The following MRPS28 variants were observed in gnomAD, a reference collection of about 807,000 sequenced individuals.
The protein encoded by MRPS28 is small ribosomal subunit protein bS1m.
MRPS28 carries 7 observed loss-of-function variants against 10.8 expected under a neutral mutation model. The observed-to-expected ratio is 0.65, with a 90% CI of 0.37 to 1.22. MRPS28 has a LOEUF of 1.22. MRPS28 is among the 50% of genes most tolerant of loss of function. MRPS28 has a pLI of 0.02. For synonymous variants in MRPS28, 121 were observed against 93.3 expected (o/e 1.30, Z -1.71); for missense variants, 265 against 232.9 (o/e 1.14, Z -0.90).
intron 1 of MRPS28, among the ~76,000 whole-genome samples, chr8:80,015,839 T>C (rs1034130557): frequency 7.2e-5 from 11 of 152,008 alleles, no homozygotes; most frequent in African/African-American, 2.4e-4. Flanking sequence ...AAGATGGAAA[T>C]TTTAAATAAG....
intron 1 of MRPS28, 137 bp downstream of exon 1, chr8:80,029,899 A>T (rs1809605355): frequency 3.3e-6 from 5 of 1,536,174 alleles, no homozygotes; most frequent in Non-Finnish European, 4.4e-6. Context: ...CTGAGCCACA[A>T]CGCACCGCAA....
intron 2 of MRPS28, among the ~76,000 whole-genome samples, chr8:79,973,170 G>A (rs1807681108): frequency 6.6e-6 from 1 of 152,136 alleles, no homozygotes; most frequent in South Asian, 2.1e-4. Context: ...TATACACAAT[G>A]CAGTCAACTG....
chr8:79,924,434 G>A lies in MRPS28; in HGVS notation c.396-5286C>T, dbSNP rs11986340. ...GTGAAGTCAGCAGCCACGTCCCTGT[G>A]TGTATGTGTGTGAGTAAGTAGGAAT... On this transcript the variant is annotated intron_variant, in intron 2 of 2. Transcript: ENST00000276585. 6.6e-3 allele frequency among the ~76,000 whole-genome samples: 1,007 copies of A among 152,292 alleles called. 10 individuals carry two copies. Among genetic ancestry groups the A allele is most frequent in the African/African-American group, 0.022 (900 of 41,566 alleles).
At chr8:80,013,634 C>CAAAAAA (rs5892700) in intron 1 of MRPS28, among the ~76,000 whole-genome samples, 73 of 75,506 alleles carry the variant, frequency 9.7e-4, no homozygotes, top group Middle Eastern at 8.9e-3. Flanking sequence ...GACTCCATCT[C>CAAAAAA]AAAAAAAAAA....
Position 79,919,822 on chromosome 8 carries a change from AG to A in MRPS28, c.396-675del, listed in dbSNP as rs1278014854. ...AACTTTATTTTTTTATTACACTTTA[AG>A]TTTTAGGGTACATGTGCACAACGTG... On this transcript the variant is annotated intron_variant, in intron 2 of 2. Transcript: ENST00000276585. 3.3e-5 allele frequency among the ~76,000 whole-genome samples: 5 copies of A among 152,274 alleles called. No homozygotes were observed. In the East Asian group the frequency reaches 5.8e-4, roughly 18 times the overall value.
At chr8:79,957,564 A>G (rs1168370360) in intron 2 of MRPS28, among the ~76,000 whole-genome samples, 3 of 151,818 alleles carry the variant, frequency 2.0e-5, no homozygotes, top group African/African-American at 4.8e-5. Flanking sequence ...AAAAAAAAAA[A>G]AAACTTAGTG....
At chr8:79,962,311 C>G (rs558074359) in intron 2 of MRPS28, among the ~76,000 whole-genome samples, 35 of 152,220 alleles carry the variant, frequency 2.3e-4, no homozygotes, top group Admixed American at 4.6e-4. Context: ...CAAGCTTACT[C>G]TGAGAAGCAC....
intron 2 of MRPS28, among the ~76,000 whole-genome samples, chr8:79,966,398 C>A (rs1807503810): frequency 6.6e-6 from 1 of 151,840 alleles, no homozygotes; most frequent in African/African-American, 2.4e-5. Flanking sequence ...AAGACAAATC[C>A]ACCATCGTAA....
At chr8:79,986,219 A>T (rs1369245371) in intron 2 of MRPS28, among the ~76,000 whole-genome samples, 1 of 152,150 alleles carries the variant, frequency 6.6e-6, no homozygotes, top group East Asian at 1.9e-4. Context: ...TTTGACAAAA[A>T]TCAACAACCC....
intron 2 of MRPS28, among the ~76,000 whole-genome samples, chr8:79,950,317 C>T (rs1000254669): frequency 1.3e-5 from 2 of 152,136 alleles, no homozygotes; most frequent in Non-Finnish European, 2.9e-5. Context: ...CAGCCTTTCT[C>T]AACTCGGGTT....
intron 2 of MRPS28, among the ~76,000 whole-genome samples, chr8:79,936,383 T>C (rs899492297): frequency 6.6e-6 from 1 of 151,448 alleles, no homozygotes; most frequent in African/African-American, 2.4e-5. Context: ...AACCTACCCA[T>C]GTTTGCAAAG....
intron 1 of MRPS28, among the ~76,000 whole-genome samples, chr8:80,008,969 T>A (rs1362350235): frequency 6.6e-6 from 1 of 152,220 alleles, no homozygotes; most frequent in Non-Finnish European, 1.5e-5. Context: ...TAAACACACA[T>A]GCACACATAT....
At chr8:80,002,666 G>A (rs982836846) in intron 2 of MRPS28, among the ~76,000 whole-genome samples, 2 of 152,176 alleles carry the variant, frequency 1.3e-5, no homozygotes, top group African/African-American at 4.8e-5. Flanking sequence ...ATGGAACAGA[G>A]AGAAGGGACA....
intron 2 of MRPS28, among the ~76,000 whole-genome samples, chr8:79,962,292 G>A (rs1251340679): frequency 1.3e-5 from 2 of 152,076 alleles, no homozygotes; most frequent in Non-Finnish European, 2.9e-5. Context: ...GGAGCCCAGT[G>A]CAACCACCCA....
chr8:79,983,210 T>G (rs1466850845), intron 2 of MRPS28, among the ~76,000 whole-genome samples: 7 of 151,868 alleles, frequency 4.6e-5, no homozygotes, highest in African/African-American at 9.7e-5. Context: ...TGCAGCTGAG[T>G]GTCCTGCCTG....
At chr8:79,954,261 CCT>C (rs1201390502) in intron 2 of MRPS28, among the ~76,000 whole-genome samples, 1 of 151,932 alleles carries the variant, frequency 6.6e-6, no homozygotes, top group African/African-American at 2.4e-5. Context: ...AAAAATATAG[CCT>C]CTTTGGAAAA....
At position 79,926,971 on chromosome 8, in the gene MRPS28, T is replaced by C. The variant is rs143597905; in HGVS notation, c.396-7823A>G. Reference sequence around the variant, plus strand: ...ACTGTTCAACAAAATCACTGATTAATGCGTTCAGCAGCTATTCTCCAAATG... The same window carrying C: ...ACTGTTCAACAAAATCACTGATTAACGCGTTCAGCAGCTATTCTCCAAATG... On this transcript the variant is annotated intron_variant, in intron 2 of 2. Transcript: ENST00000276585. Among the ~76,000 whole-genome samples, 9 of 152,324 alleles carry C rather than the reference T, an allele frequency of 5.9e-5. No individual in the cohort carries two copies. In the East Asian group the frequency reaches 1.7e-3, roughly 29 times the overall value.
chr8:80,013,835 C>T (rs368116627), intron 1 of MRPS28, among the ~76,000 whole-genome samples: 13 of 151,936 alleles, frequency 8.6e-5, no homozygotes, highest in Admixed American at 5.2e-4. Context: ...ATGTTACGCT[C>T]GCAACAGAGT....
At chr8:79,981,052 G>A (rs1807939147) in intron 2 of MRPS28, among the ~76,000 whole-genome samples, 1 of 152,180 alleles carries the variant, frequency 6.6e-6, no homozygotes, top group Non-Finnish European at 1.5e-5. Flanking sequence ...TGCTGGGTCG[G>A]GCGCAGTGGC....
Sources: gnomAD v4.1 joint callset for allele counts (sites outside exome capture counted in the v4.1 genomes callset) on GRCh38, gnomAD v4.1.1 for gene constraint, MANE v1.5 for transcripts, NCBI Gene and HGNC (gene_info 2026-07-23, HGNC 2026-07-21) for gene names.